TULP4: variants seen among roughly 807,000 people sequenced by gnomAD.
The protein encoded by TULP4 is TUB like protein 4, also known as tubby-related protein 4.
Under a neutral mutation model 129.0 loss-of-function variants are expected in TULP4, and 16 were observed. That is an observed-to-expected ratio of 0.12 (90% CI 0.08 to 0.19). TULP4 has a LOEUF of 0.19. Among genes scored for constraint, TULP4 ranks in the 10% least tolerant of loss-of-function variants. The probability of loss-of-function intolerance (pLI) is 1.00; values close to 1 mark genes in which losing one functional copy is unlikely to be tolerated. For missense variants in TULP4, 1,842 were observed against 2,059.1 expected (o/e 0.89, Z 2.04); for synonymous variants, 998 against 854.0 (o/e 1.17, Z -2.94).
chr6:158,279,551 C>CT (rs968797542), upstream of TULP4, among the ~76,000 whole-genome samples: 69 of 152,276 alleles, frequency 4.5e-4, no homozygotes, highest in African/African-American at 1.4e-3. Context: ...TGAGGAAAAT[C>CT]TTTAACACAT....
chr6:158,354,294 T>C (rs1461334339), intron 1 of TULP4, among the ~76,000 whole-genome samples: 1 of 152,176 alleles, frequency 6.6e-6, no homozygotes, highest in Non-Finnish European at 1.5e-5. Context: ...AGCCTTTATG[T>C]GTTTTATGTT....
chr6:158,285,819 T>G (rs1778826450), intron 1 of TULP4, among the ~76,000 whole-genome samples: 1 of 152,202 alleles, frequency 6.6e-6, no homozygotes, highest in East Asian at 1.9e-4. Context: ...CAGGCACTTC[T>G]GCTTACCATC....
At chr6:158,332,128 C>T (rs1283887329) in intron 1 of TULP4, among the ~76,000 whole-genome samples, 3 of 140,046 alleles carry the variant, frequency 2.1e-5, no homozygotes, top group Non-Finnish European at 3.0e-5. Flanking sequence ...GCCGAGATCA[C>T]GCCACTGCAC....
chr6:158,415,306 T>C (rs902377847), intron 2 of TULP4, among the ~76,000 whole-genome samples: 6 of 151,984 alleles, frequency 3.9e-5, no homozygotes, highest in African/African-American at 1.4e-4. Context: ...ACTATGTTAC[T>C]GGTATTTACT....
At chr6:158,423,629 GTTT>G (rs1353292463) in intron 2 of TULP4, among the ~76,000 whole-genome samples, 1 of 84,476 alleles carries the variant, frequency 1.2e-5, no homozygotes, top group Non-Finnish European at 2.5e-5. Flanking sequence ...ATTTGTTTTT[GTTT>G]TTTGTTGTTG....
intron 1 of TULP4, among the ~76,000 whole-genome samples, chr6:158,305,320 TGTGC>T (rs1438659408): frequency 1.8e-5 from 2 of 110,814 alleles, no homozygotes; most frequent in African/African-American, 7.0e-5. Context: ...TTTCATTCTG[TGTGC>T]GTGTGTGTGT....
intron 1 of TULP4, among the ~76,000 whole-genome samples, chr6:158,365,125 C>T (rs1250653478): frequency 3.3e-5 from 5 of 151,822 alleles, no homozygotes; most frequent in Non-Finnish European, 2.9e-5. Context: ...ACATTTTTAG[C>T]GTTAGTTCTA....
chr6:158,412,877 G>A (rs1025372179), intron 1 of TULP4, among the ~76,000 whole-genome samples, 188 bp from the exon 2 acceptor site: 1 of 152,154 alleles, frequency 6.6e-6, no homozygotes, highest in Non-Finnish European at 1.5e-5. Context: ...AGCCGTGTCA[G>A]TGGGGCTGGT....
intron 11 of TULP4, among the ~76,000 whole-genome samples, chr6:158,496,418 G>A (rs1337060476): frequency 6.6e-6 from 1 of 152,324 alleles, no homozygotes; most frequent in Middle Eastern, 3.4e-3. Flanking sequence ...AAATAGTGCT[G>A]CATTTGAGTT....
intron 1 of TULP4, among the ~76,000 whole-genome samples, chr6:158,293,403 A>G (rs897549449): frequency 6.6e-6 from 1 of 152,254 alleles, no homozygotes; most frequent in African/African-American, 2.4e-5. Context: ...TGCCATGCTC[A>G]GTACCTTATT....
upstream of TULP4, among the ~76,000 whole-genome samples, chr6:158,279,793 T>C (rs1463124141): frequency 6.6e-6 from 1 of 152,226 alleles, no homozygotes; most frequent in African/African-American, 2.4e-5. Flanking sequence ...CTATTCATTC[T>C]CTTCCAAGAA....
Position 158,493,697 on chromosome 6 carries a change from C to G in TULP4, c.1756C>G (p.Pro586Ala). The G allele has an allele frequency of 6.3e-7, 1 of 1,582,618 alleles. No individual in the cohort carries two copies. Among genetic ancestry groups the G allele is most frequent in the Admixed American group, 1.8e-5 (1 of 54,672 alleles). The change falls in exon 10 of 14, where the codon CCT (proline) becomes GCT (alanine). Residue 586 changes from proline (P) to alanine (A), a missense_variant. Physicochemically the swap from Pro to Ala is conservative, Grantham distance 27. Coordinates refer to ENST00000367097, the MANE Select transcript of TULP4 (RefSeq NM_020245.5). The surrounding 1 kb of genome is among the most constrained non-coding windows in gnomAD (Gnocchi z 4.4). ...GCCCAGCCTGACTCGGAGAGAGTTT[C>G]CTTTTGAAGACATCACTCAGGTAGG... ...GSPSLTRREF[P>A]FEDITQHNYL...
chr6:158,274,583 T>C (rs980749962), intron 1 of TULP4, among the ~76,000 whole-genome samples: 4 of 152,092 alleles, frequency 2.6e-5, no homozygotes, highest in Non-Finnish European at 5.9e-5. Context: ...GAGACCATCC[T>C]GGCTAACACG....
chr6:158,349,717 C>T (rs1318592236), intron 1 of TULP4, among the ~76,000 whole-genome samples: 11 of 119,176 alleles, frequency 9.2e-5, no homozygotes, highest in Admixed American at 7.1e-4. Flanking sequence ...AGACGATGGG[C>T]GGCCGGGCAG....
At chr6:158,367,951 G>A (rs1044210991) in intron 1 of TULP4, among the ~76,000 whole-genome samples, 4 of 150,038 alleles carry the variant, frequency 2.7e-5, no homozygotes, top group Admixed American at 6.7e-5. Flanking sequence ...AAATCTGGGC[G>A]TGGTGGGATG....
At position 158,461,551 on chromosome 6, in the gene TULP4, C is replaced by T. The variant is rs779124562; in HGVS notation, c.860-12C>T. 1.2e-6 allele frequency: 2 copies of T among 1,611,508 alleles called. No individual in the cohort carries two copies. Among genetic ancestry groups the T allele is most frequent in the South Asian group, 2.2e-5 (2 of 90,720 alleles). On this transcript the variant is annotated splice_polypyrimidine_tract_variant and intron_variant, in intron 5 of 13. Coordinates refer to ENST00000367097, the MANE Select transcript of TULP4 (RefSeq NM_020245.5). ...CTGTGTCCTTGTGCTGACCCTCTCT[C>T]CTCTGTTTCAGAGGTGGTAGCCCAG...
At chr6:158,307,882 A>C (rs1779244747), upstream of TULP4, among the ~76,000 whole-genome samples, 1 of 152,192 alleles carries the variant, frequency 6.6e-6, no homozygotes, top group African/African-American at 2.4e-5. Flanking sequence ...AAAATAAAAA[A>C]AATCACATTT....
chr6:158,449,027 T>C lies in TULP4; in HGVS notation c.575T>C (p.Ile192Thr). 2 of 1,613,428 alleles carry C rather than the reference T, an allele frequency of 1.2e-6. No individual in the cohort carries two copies. Among genetic ancestry groups the C allele is most frequent in the South Asian group, 1.1e-5 (1 of 90,970 alleles). Residue 192 changes from isoleucine (I) to threonine (T), a missense_variant, in exon 4 of 14, where the codon ATT becomes ACT. Physicochemically the swap from Ile to Thr is moderately conservative, Grantham distance 89. Coordinates refer to ENST00000367097, the MANE Select transcript of TULP4 (RefSeq NM_020245.5). ...VLFGTADGQV[I>T]VMDCHGRMLA... ...TTTGGCACGGCCGATGGGCAGGTGA[T>C]TGTCATGGATTGCCACGGCAGAATG...
At chr6:158,486,491 T>C (rs1368064948) in intron 8 of TULP4, among the ~76,000 whole-genome samples, 1 of 151,816 alleles carries the variant, frequency 6.6e-6, no homozygotes, top group African/African-American at 2.4e-5. Context: ...AGGCGGAGCT[T>C]GCAGTGAGCC....
Sources: gnomAD v4.1 joint callset for allele counts (sites outside exome capture counted in the v4.1 genomes callset) on GRCh38, gnomAD v4.1.1 for gene constraint, Gnocchi (gnomAD v3.1) non-coding constraint, MANE v1.5 for transcripts, NCBI Gene and HGNC (gene_info 2026-07-23, HGNC 2026-07-21) for gene names.